The following FAM81B variants were observed in gnomAD, a reference collection of about 807,000 sequenced individuals.
FAM81B encodes the protein protein FAM81B.
FAM81B carries 60 observed loss-of-function variants against 58.7 expected under a neutral mutation model. The observed-to-expected ratio is 1.02, with a 90% confidence interval of 0.83 to 1.27. FAM81B has a LOEUF of 1.27. Among genes scored for constraint, FAM81B ranks in the 50% most tolerant of loss-of-function variants. The pLI, the probability that FAM81B is intolerant of heterozygous loss-of-function variation, is 0.00. For missense variants in FAM81B, 491 were observed against 522.0 expected (o/e 0.94, Z 0.58); for synonymous variants, 189 against 179.6 (o/e 1.05, Z -0.42).
chr5:95,432,999 G>T (rs1221364207), intron 6 of FAM81B, among the ~76,000 whole-genome samples: 2 of 152,078 alleles, frequency 1.3e-5, no homozygotes, highest in Admixed American at 1.3e-4. Context: ...TTATGGCTGT[G>T]AATTTTTCCT....
chr5:95,417,263 T>C (rs1762561901), intron 4 of FAM81B, among the ~76,000 whole-genome samples: 1 of 152,200 alleles, frequency 6.6e-6, no homozygotes, highest in African/African-American at 2.4e-5. Context: ...ATGCCAGAAT[T>C]GAAATTTATC....
intron 3 of FAM81B, among the ~76,000 whole-genome samples, chr5:95,412,212 T>C (rs1451564165): frequency 2.6e-5 from 4 of 152,142 alleles, no homozygotes; most frequent in African/African-American, 4.8e-5. Flanking sequence ...CACATAGCAC[T>C]GCTCTTTTTG....
intron 4 of FAM81B, among the ~76,000 whole-genome samples, chr5:95,414,674 T>C (rs1762491952): frequency 6.6e-6 from 1 of 152,190 alleles, no homozygotes; most frequent in African/African-American, 2.4e-5. Context: ...CATTCTGGCC[T>C]TGGGGTCTTT....
At chr5:95,412,915 GT>G (rs1762441884) in intron 3 of FAM81B, among the ~76,000 whole-genome samples, 1 of 152,170 alleles carries the variant, frequency 6.6e-6, no homozygotes, top group Non-Finnish European at 1.5e-5. Flanking sequence ...GTTAGATTTA[GT>G]GGCAAATATA....
intron 5 of FAM81B, chr5:95,423,904 T>C: frequency 1.4e-6 from 1 of 708,158 alleles, no homozygotes; most frequent in Non-Finnish European, 2.1e-6. Flanking sequence ...ATTGGCAAAA[T>C]GGAATCAAGC....
chr5:95,405,064 G>A (rs1413906208), intron 3 of FAM81B, among the ~76,000 whole-genome samples: 1 of 152,156 alleles, frequency 6.6e-6, no homozygotes, highest in Admixed American at 6.5e-5. Flanking sequence ...TGGAGGATGT[G>A]CTATTTGTTA....
At chr5:95,428,474 C>T (rs549242612) in intron 5 of FAM81B, 129 bp from the exon 6 acceptor site, 5 of 1,156,886 alleles carry the variant, frequency 4.3e-6, no homozygotes, top group Non-Finnish European at 4.9e-6. Context: ...GAATACACTC[C>T]TATATCTACC....
intron 5 of FAM81B, among the ~76,000 whole-genome samples, chr5:95,426,125 T>C (rs776098769): frequency 0.056 from 5,285 of 94,198 alleles, 166 homozygotes; most frequent in Non-Finnish European, 0.082. Flanking sequence ...TATATATATG[T>C]ACACATATAT....
Position 95,434,875 on chromosome 5 carries a change from C to T in FAM81B, c.787-1925C>T, listed in dbSNP as rs115487487. On this transcript the variant is annotated intron_variant, in intron 6 of 9. Transcript: ENST00000283357. ...GTAATTGCAGTGTTGATTTACTCTTCGGCACTTGTGTTAGTCCAGATCCTT... is the reference window on the plus strand; with the variant it reads ...GTAATTGCAGTGTTGATTTACTCTTTGGCACTTGTGTTAGTCCAGATCCTT... Among the ~76,000 whole-genome samples the T allele has an allele frequency of 6.4e-3, 977 of 152,288 alleles. 9 individuals carry two copies. Among genetic ancestry groups the T allele is most frequent in the South Asian group, 0.036 (173 of 4,826 alleles).
intron 3 of FAM81B, among the ~76,000 whole-genome samples, chr5:95,405,872 C>T (rs954017453): frequency 1.3e-5 from 2 of 152,164 alleles, no homozygotes; most frequent in African/African-American, 4.8e-5. Context: ...ACTTGCTTTC[C>T]CACCCTGTGG....
Position 95,396,126 on chromosome 5 carries a change from G to A in FAM81B, c.244G>A (p.Ala82Thr), listed in dbSNP as rs200660955. The change falls in exon 3 of 10, where the codon GCC (alanine) becomes ACC (threonine). Residue 82 changes from alanine to threonine, a missense_variant. Coordinates refer to ENST00000283357, the MANE Select transcript of FAM81B (RefSeq NM_152548.3). ...NQEKKVRLSP[A>T]KMSTKNSTDL... ...TTTGTTTTAGGTAAGATTATCTCCA[G>A]CCAAAATGTCAACCAAGAATTCTAC... 8.3e-5 allele frequency: 134 copies of A among 1,608,418 alleles called. No homozygotes were observed. The African/African-American group carries it at 1.3e-3, about 15-fold the overall frequency.
At chr5:95,417,561 C>A (rs569726389) in intron 4 of FAM81B, among the ~76,000 whole-genome samples, 1 of 152,224 alleles carries the variant, frequency 6.6e-6, no homozygotes, top group Admixed American at 6.5e-5. Flanking sequence ...GTTAATTTAT[C>A]TTTTGAGTTT....
intron 6 of FAM81B, among the ~76,000 whole-genome samples, chr5:95,428,968 G>T (rs1226289946): frequency 2.0e-5 from 3 of 152,096 alleles, no homozygotes; most frequent in African/African-American, 7.2e-5. Context: ...TGCACTGCTT[G>T]AGTCCACCAT....
Position 95,450,422 on chromosome 5 carries a change from TAAAGC to T in FAM81B, c.*145_*149del, listed in dbSNP as rs1745756217. 6.4e-6 allele frequency: 9 copies of T among 1,409,142 alleles called. No homozygotes were observed. Among genetic ancestry groups the T allele is most frequent in the Non-Finnish European group, 8.5e-6 (9 of 1,055,534 alleles). 87.3% of individuals were successfully genotyped at this position (1,409,142 alleles called of 1,614,324 possible). A position where few individuals can be genotyped will look rare whatever the true frequency, so the allele number is the denominator to read the frequency against. ...GGAGACGAATGTACCAGAAAAATAA[TAAAGC>T]AAAGAAGCTTCGGATGTCTTGAATT... On this transcript the variant is annotated 3_prime_UTR_variant, in exon 10 of 10. Coordinates refer to ENST00000283357, the MANE Select transcript of FAM81B (RefSeq NM_152548.3).
intron 3 of FAM81B, among the ~76,000 whole-genome samples, chr5:95,409,891 T>A (rs60708510): frequency 6.6e-6 from 1 of 152,112 alleles, no homozygotes. Context: ...ATACTTGATA[T>A]CAAATTGGAG....
intron 3 of FAM81B, among the ~76,000 whole-genome samples, chr5:95,402,502 A>G (rs1431282864): frequency 6.6e-6 from 1 of 152,240 alleles, no homozygotes; most frequent in African/African-American, 2.4e-5. Context: ...AATTTTAAAA[A>G]TAATCTTTAA....
chr5:95,423,972 A>G, intron 5 of FAM81B: 1 of 1,275,048 alleles, frequency 7.8e-7, no homozygotes, highest in Non-Finnish European at 1.0e-6. Context: ...CCCCTTAGAG[A>G]TTCAGGTCAG....
At chr5:95,406,583 G>A (rs922978278) in intron 3 of FAM81B, among the ~76,000 whole-genome samples, 3 of 152,176 alleles carry the variant, frequency 2.0e-5, no homozygotes, top group African/African-American at 7.2e-5. Flanking sequence ...TCTGCCAGCT[G>A]GCAGCACTCC....
chr5:95,395,848 T>C (rs1176675255), intron 2 of FAM81B, among the ~76,000 whole-genome samples: 1 of 152,220 alleles, frequency 6.6e-6, no homozygotes, highest in Admixed American at 6.5e-5. Context: ...CTAAGAATAA[T>C]CTATGGCTTT....
Sources: gnomAD v4.1 joint callset for allele counts (sites outside exome capture counted in the v4.1 genomes callset) on GRCh38, gnomAD v4.1.1 for gene constraint, MANE v1.5 for transcripts, NCBI Gene and HGNC (gene_info 2026-07-23, HGNC 2026-07-21) for gene names.